Variants in ACTL6A observed in about 807,000 individuals in gnomAD.
ACTL6A encodes the protein actin-like protein 6A.
In ACTL6A, 5 loss-of-function variants were observed where a neutral mutation model predicts 59.2. The ratio of observed to expected loss-of-function variants is 0.08; its 90% CI spans 0.04 to 0.18. The LOEUF is 0.18. Ranked by LOEUF, ACTL6A falls within the 10% of genes least tolerant of loss-of-function variation. The pLI, the probability that ACTL6A is intolerant of heterozygous loss-of-function variation, is 1.00. For missense variants in ACTL6A, 285 were observed against 526.9 expected (o/e 0.54, Z 4.49); for synonymous variants, 154 against 171.8 (o/e 0.90, Z 0.81).
chr3:179,581,041 T>C, intron 10 of ACTL6A, 33 bp downstream of exon 10: 1 of 1,597,660 alleles, frequency 6.3e-7, no homozygotes, highest in Non-Finnish European at 8.5e-7. Flanking sequence ...TAGCCTGGCT[T>C]TTCCTATATA....
chr3:179,580,753 T>TA, intron 9 of ACTL6A, 52 bp downstream of exon 9: 3 of 1,436,470 alleles, frequency 2.1e-6, no homozygotes, highest in Middle Eastern at 1.8e-4. Context: ...AGGATTTGTT[T>TA]AAAAAATACT....
At chr3:179,573,216 A>C (rs937127365) in intron 3 of ACTL6A, 153 bp from the exon 4 acceptor site, 1 of 526,278 alleles carries the variant, frequency 1.9e-6, no homozygotes, top group Non-Finnish European at 3.3e-6. Flanking sequence ...GGTAATCTCT[A>C]TATAAAGTAA....
intron 11 of ACTL6A, 100 bp downstream of exon 11, chr3:179,581,320 G>A: frequency 3.1e-6 from 3 of 980,806 alleles, no homozygotes; most frequent in Non-Finnish European, 4.9e-6. Context: ...GGTTGTCAGT[G>A]TCATTGACTT....
At position 179,569,895 on chromosome 3, in the gene ACTL6A, C is replaced by T; in HGVS notation, c.97C>T (p.Pro33Ser). 1.9e-6 allele frequency: 3 copies of T among 1,613,814 alleles called. No homozygotes were observed. Among genetic ancestry groups the T allele is most frequent in the Non-Finnish European group, 2.5e-6 (3 of 1,179,840 alleles). Reference sequence around the variant, plus strand: ...AGCTGGTTATGCTGGTGAGGACTGCCCCAAGGTAAGTGTAATGTTAGAGTT... The same window carrying T: ...AGCTGGTTATGCTGGTGAGGACTGCTCCAAGGTAAGTGTAATGTTAGAGTT... ...VRAGYAGEDC[P>S]KVDFPTAIGM... Residue 33 changes from proline (P) to serine (S), a missense_variant, in exon 2 of 14, where the codon CCC becomes TCC. Transcript: ENST00000429709.
intron 5 of ACTL6A, 151 bp from the exon 6 acceptor site, chr3:179,576,066 A>T: frequency 1.7e-6 from 1 of 588,438 alleles, no homozygotes. Flanking sequence ...ATTTTATACC[A>T]ATTTTTATCC....
At chr3:179,587,881 T>C in intron 13 of ACTL6A, 49 bp from the exon 14 acceptor site, 1 of 1,525,386 alleles carries the variant, frequency 6.6e-7, no homozygotes, top group Non-Finnish European at 8.8e-7. Flanking sequence ...TTAAGCCATT[T>C]CTAGTAAGAA....
Position 179,565,305 on chromosome 3 carries a change from T to C in ACTL6A, c.25+2188T>C, listed in dbSNP as rs558676299. ...TACAAAAATTAGCCAGGCGTGGTGG[T>C]GCATGCCTGGAGTCCCAGCTGCTGG... On this transcript the variant is annotated intron_variant, in intron 1 of 13. Coordinates refer to ENST00000429709, the MANE Select transcript of ACTL6A (RefSeq NM_004301.5). Among the ~76,000 whole-genome samples the C allele has an allele frequency of 1.2e-3, 184 of 151,722 alleles. 1 individual carries two copies. The highest frequency in any genetic ancestry group is 3.7e-3 in the African/African-American group (154 of 41,362).
chr3:179,563,464 G>A (rs1717733481), intron 1 of ACTL6A, among the ~76,000 whole-genome samples: 2 of 152,240 alleles, frequency 1.3e-5, no homozygotes, highest in African/African-American at 4.8e-5. Flanking sequence ...ACCGCCCCAG[G>A]GTCGCATCTC....
chr3:179,586,486 A>T, intron 12 of ACTL6A, 60 bp from the exon 13 acceptor site: 12 of 1,210,668 alleles, frequency 9.9e-6, no homozygotes, highest in African/African-American at 1.6e-5. Context: ...AAAAAAAAAA[A>T]GAATTTTCTA....
At chr3:179,576,540 A>G (rs1461038679) in intron 6 of ACTL6A, 80 bp from the exon 7 acceptor site, 5 of 1,123,404 alleles carry the variant, frequency 4.5e-6, no homozygotes, top group East Asian at 4.7e-5. Flanking sequence ...AGTTATTCAC[A>G]TAAATACACC....
chr3:179,579,455 T>TACACACAC (rs10650822), intron 8 of ACTL6A, among the ~76,000 whole-genome samples: 3,852 of 145,094 alleles, frequency 0.027, 87 homozygotes, highest in African/African-American at 0.05. Flanking sequence ...TTATATCATA[T>TACACACAC]ACACACACAC....
At chr3:179,572,738 G>A (rs1718048259) in intron 3 of ACTL6A, among the ~76,000 whole-genome samples, 1 of 152,264 alleles carries the variant, frequency 6.6e-6, no homozygotes, top group South Asian at 2.1e-4. Context: ...CCAGGAGGCG[G>A]AGGTTGCAGT....
At chr3:179,571,647 G>C (rs1208786187) in intron 3 of ACTL6A, among the ~76,000 whole-genome samples, 1 of 152,202 alleles carries the variant, frequency 6.6e-6, no homozygotes, top group Non-Finnish European at 1.5e-5. Flanking sequence ...TCTCACAGTG[G>C]AGTCACACAG....
At chr3:179,576,521 A>G (rs991971234) in intron 6 of ACTL6A, 99 bp from the exon 7 acceptor site, 12 of 973,260 alleles carry the variant, frequency 1.2e-5, no homozygotes, top group East Asian at 7.2e-5. Flanking sequence ...AGTTCATTCT[A>G]CCTGAAAAAG....
intron 4 of ACTL6A, 45 bp downstream of exon 4, chr3:179,573,514 T>C (rs777293487): frequency 8.1e-7 from 1 of 1,235,598 alleles, no homozygotes; most frequent in Non-Finnish European, 1.1e-6. Flanking sequence ...GTTGTTTTTT[T>C]TTTTTCTTTT....
At chr3:179,578,748 C>T (rs980644882) in intron 8 of ACTL6A, among the ~76,000 whole-genome samples, 3 of 152,164 alleles carry the variant, frequency 2.0e-5, no homozygotes, top group Admixed American at 1.3e-4. Flanking sequence ...TCTCTGCAGC[C>T]GTGTCAGCAG....
intron 11 of ACTL6A, among the ~76,000 whole-genome samples, chr3:179,581,844 C>A (rs1452444223): frequency 6.6e-6 from 1 of 152,110 alleles, no homozygotes; most frequent in East Asian, 1.9e-4. Flanking sequence ...TACAGTAGGT[C>A]CTTGAAGGAC....
intron 2 of ACTL6A, 29 bp downstream of exon 2, chr3:179,569,929 A>G (rs1717953008): frequency 1.3e-6 from 2 of 1,597,076 alleles, no homozygotes; most frequent in Admixed American, 1.7e-5. Context: ...TTAATTGGAT[A>G]TGTAAAGCCA....
At chr3:179,586,736 T>G (rs1718505209) in intron 13 of ACTL6A, 104 bp downstream of exon 13, 2 of 967,192 alleles carry the variant, frequency 2.1e-6, no homozygotes, top group South Asian at 3.2e-5. Context: ...GTGCATTTTA[T>G]AACTGTCAAA....
Sources: gnomAD v4.1 joint callset for allele counts (sites outside exome capture counted in the v4.1 genomes callset) on GRCh38, gnomAD v4.1.1 for gene constraint, MANE v1.5 for transcripts, NCBI Gene and HGNC (gene_info 2026-07-23, HGNC 2026-07-21) for gene names.